ABCC5: variants seen among roughly 807,000 people sequenced by gnomAD.
ABCC5 encodes ATP binding cassette subfamily C member 5.
ABCC5 carries 61 observed loss-of-function variants against 160.9 expected under a neutral mutation model. That is an observed-to-expected ratio of 0.38 (90% CI 0.31 to 0.47). ABCC5 has a LOEUF of 0.47. Ranked by LOEUF, ABCC5 falls within the 20% of genes least tolerant of loss-of-function variation. The pLI is 0.99. For synonymous variants in ABCC5, 666 were observed against 700.6 expected, an observed-to-expected ratio of 0.95 and a Z score of 0.78; for missense variants, 1,308 against 1,813.3, an observed-to-expected ratio of 0.72 and a Z score of 5.06.
At chr3:183,932,086 C>T (rs988074459) in intron 26 of ABCC5, among the ~76,000 whole-genome samples, 1 of 152,170 alleles carries the variant, frequency 6.6e-6, no homozygotes, top group African/African-American at 2.4e-5. Context: ...TGAGACAACA[C>T]AGCAATTCAC....
intron 2 of ABCC5, among the ~76,000 whole-genome samples, chr3:184,002,196 G>A (rs1452591529): frequency 1.3e-5 from 2 of 152,012 alleles, no homozygotes; most frequent in Admixed American, 6.6e-5. Flanking sequence ...TTGGGAGTTC[G>A]AGACCAGCCT....
intron 2 of ABCC5, among the ~76,000 whole-genome samples, chr3:184,007,242 A>C (rs192514476): frequency 1.1e-4 from 17 of 151,354 alleles, no homozygotes; most frequent in African/African-American, 3.9e-4. Context: ...GGATGGTCTC[A>C]ATCTCCTGAC....
At chr3:183,924,684 A>C (rs991324043) in intron 29 of ABCC5, among the ~76,000 whole-genome samples, 1 of 152,226 alleles carries the variant, frequency 6.6e-6, no homozygotes, top group African/African-American at 2.4e-5. Flanking sequence ...GGGGCCCTAA[A>C]GATGAATGAG....
intron 5 of ABCC5, chr3:183,985,421 C>T: frequency 2.6e-6 from 4 of 1,532,402 alleles, no homozygotes; most frequent in Non-Finnish European, 3.6e-6. Context: ...CAGAGAGACT[C>T]CCCCCAAATC....
In ABCC5 at chr3:183,921,541, C is replaced by A. The variant is rs926133370; in HGVS notation, c.4213-140G>T. 8.8e-6 allele frequency: 5 copies of A among 567,006 alleles called. No individual in the cohort carries two copies. Among genetic ancestry groups the A allele is most frequent in the Non-Finnish European group, 1.1e-5 (4 of 350,436 alleles). 35.1% of individuals were successfully genotyped at this position (567,006 alleles called of 1,614,324 possible). A position where few individuals can be genotyped will look rare whatever the true frequency, so the allele number is the denominator to read the frequency against. ...CAACTAGCCCTGCGTGCACCTCCCC[C>A]CTTATTTTTTTATTTTCAACTATCC... On this transcript the variant is annotated intron_variant, in intron 29 of 29. Transcript: ENST00000334444. This position sits in a 1 kb window ranked among gnomAD's most constrained non-coding sequence, Gnocchi z 4.1.
chr3:183,926,456 A>G (rs1056652341), intron 28 of ABCC5, among the ~76,000 whole-genome samples: 4 of 151,778 alleles, frequency 2.6e-5, no homozygotes, highest in African/African-American at 9.7e-5. Context: ...AGGCGGAGGC[A>G]AGAGAATCGC....
intron 1 of ABCC5, 81 bp from the exon 2 acceptor site, chr3:184,014,528 A>AG (rs1418492148): frequency 1.6e-6 from 1 of 624,924 alleles, no homozygotes; most frequent in Non-Finnish European, 2.2e-6. Context: ...AAAAATAGGA[A>AG]AAAAAAAAAA....
chr3:184,013,173 C>T (rs1221074701), intron 2 of ABCC5, among the ~76,000 whole-genome samples: 1 of 152,150 alleles, frequency 6.6e-6, no homozygotes, highest in Non-Finnish European at 1.5e-5. Flanking sequence ...CTTATGAATT[C>T]GCTTGAAAAA....
At chr3:183,965,605 C>T (rs1457474581) in intron 12 of ABCC5, 104 bp from the exon 13 acceptor site, 8 of 1,497,692 alleles carry the variant, frequency 5.3e-6, no homozygotes, top group South Asian at 1.3e-5. Context: ...GGTAATTTCC[C>T]GGGATGCTTT....
chr3:183,963,312 C>A lies in ABCC5; in HGVS notation c.2235+73G>T. The stretch of plus-strand genomic sequence containing the variant: ...ATTTCTAGTTATAACACAAGGATAC[C>A]TGGAGCAAACCTACCTCCCTGTTTC... On this transcript the variant is annotated intron_variant, in intron 15 of 29. Transcript: ENST00000334444. This position sits in a 1 kb window ranked among gnomAD's most constrained non-coding sequence, Gnocchi z 4.6. The A allele has an allele frequency of 6.6e-7, 1 of 1,512,958 alleles. No individual in the cohort carries two copies. The highest frequency in any genetic ancestry group is 9.2e-7 in the Non-Finnish European group (1 of 1,089,148). The allele number at this position is 1,512,958 out of a possible 1,614,324, so 93.7% of individuals were successfully genotyped here. A position where few individuals can be genotyped will look rare whatever the true frequency, so the allele number is the denominator to read the frequency against.
chr3:183,964,767 G>A (rs1717063804), intron 14 of ABCC5, among the ~76,000 whole-genome samples: 1 of 152,130 alleles, frequency 6.6e-6, no homozygotes, highest in South Asian at 2.1e-4. Context: ...ACTGCTGCAG[G>A]GCAGAGACCC....
At chr3:183,943,060 C>A in intron 24 of ABCC5, 144 bp from the exon 25 acceptor site, 1 of 793,174 alleles carries the variant, frequency 1.3e-6, no homozygotes. Context: ...GAAAGAATCC[C>A]TTGGAAGTAA....
At chr3:183,935,113 A>T (rs1336565177) in intron 26 of ABCC5, among the ~76,000 whole-genome samples, 1 of 150,818 alleles carries the variant, frequency 6.6e-6, no homozygotes. Context: ...TCCTGACCTC[A>T]GGTGATCCGC....
chr3:183,933,717 G>T (rs1045333224), intron 26 of ABCC5, among the ~76,000 whole-genome samples: 7 of 152,198 alleles, frequency 4.6e-5, no homozygotes, highest in Non-Finnish European at 8.8e-5. Context: ...TCTGGCCTAT[G>T]ATTTAGATTA....
intron 24 of ABCC5, among the ~76,000 whole-genome samples, chr3:183,944,580 T>C (rs2108785981): frequency 6.6e-6 from 1 of 152,294 alleles, no homozygotes; most frequent in African/African-American, 2.4e-5. Context: ...AGAATTGAGT[T>C]CAATTTGAGA....
chr3:183,933,220 TGAA>T (rs140798333), intron 26 of ABCC5, among the ~76,000 whole-genome samples: 15,083 of 148,930 alleles, frequency 0.1, 2,519 homozygotes, highest in African/African-American at 0.35. Flanking sequence ...AGAAGGCACC[TGAA>T]GAAGAAGAAA....
At chr3:183,938,958 T>C (rs1254620667) in intron 25 of ABCC5, among the ~76,000 whole-genome samples, 1 of 152,182 alleles carries the variant, frequency 6.6e-6, no homozygotes, top group Non-Finnish European at 1.5e-5. Context: ...TCAGTGTTAT[T>C]ACAGTAATCA....
chr3:184,013,396 G>C (rs530828716), intron 2 of ABCC5, among the ~76,000 whole-genome samples: 1 of 152,160 alleles, frequency 6.6e-6, no homozygotes, highest in South Asian at 2.1e-4. Context: ...TGGGAGTACA[G>C]GTGCCCACCA....
At chr3:183,923,343 C>G (rs957610248) in intron 29 of ABCC5, among the ~76,000 whole-genome samples, 4 of 152,142 alleles carry the variant, frequency 2.6e-5, no homozygotes, top group African/African-American at 7.2e-5. Flanking sequence ...AAATTTCCAG[C>G]TGGGCACAGT....
Sources: allele counts gnomAD v4.1 joint callset (sites outside exome capture counted in the v4.1 genomes callset), GRCh38; gene constraint gnomAD v4.1.1; non-coding constraint Gnocchi (gnomAD v3.1); transcripts MANE v1.5; gene names NCBI Gene and HGNC (gene_info 2026-07-23, HGNC 2026-07-21).